The following PSMA3 variants were observed in gnomAD, a reference collection of about 807,000 sequenced individuals.
PSMA3 encodes the protein proteasome 20S subunit alpha 3, also known as proteasome subunit alpha type-3.
PSMA3 carries 8 observed loss-of-function variants against 40.0 expected under a neutral mutation model. That is an observed-to-expected ratio of 0.20 (90% confidence interval 0.12 to 0.36). PSMA3 has a LOEUF of 0.36. Among genes scored for constraint, PSMA3 ranks in the 10% least tolerant of loss-of-function variants. The pLI, the probability that PSMA3 is intolerant of heterozygous loss-of-function variation, is 1.00. For synonymous variants in PSMA3, 110 were observed against 100.0 expected, an observed-to-expected ratio of 1.10 and a Z score of -0.59; for missense variants, 219 against 310.6, an observed-to-expected ratio of 0.70 and a Z score of 2.22.
At chr14:58,259,520 G>A (rs1237383259) in intron 5 of PSMA3, among the ~76,000 whole-genome samples, 1 of 152,044 alleles carries the variant, frequency 6.6e-6, no homozygotes, top group Admixed American at 6.6e-5. Flanking sequence ...TCGCCATGTT[G>A]GCCAGGCTGG....
intron 7 of PSMA3, 142 bp from the exon 8 acceptor site, chr14:58,267,331 TG>T (rs1360202072): frequency 2.5e-5 from 30 of 1,213,108 alleles, no homozygotes; most frequent in Non-Finnish European, 3.0e-5. Flanking sequence ...CATTAAAATA[TG>T]AATCAGGAAA....
chr14:58,250,057 G>GA (rs1193943303), intron 2 of PSMA3, among the ~76,000 whole-genome samples: 1 of 150,280 alleles, frequency 6.7e-6, no homozygotes, highest in African/African-American at 2.4e-5. Flanking sequence ...CGTCTCTACT[G>GA]AAAATACAAA....
chr14:58,254,053 C>CCCACCCT (rs989180501), intron 3 of PSMA3, among the ~76,000 whole-genome samples: 4 of 151,720 alleles, frequency 2.6e-5, no homozygotes, highest in African/African-American at 9.7e-5. Flanking sequence ...TCTTCCTCCT[C>CCCACCCT]CCACCCTCCA....
At chr14:58,269,291 A>G (rs1219819012) in intron 8 of PSMA3, among the ~76,000 whole-genome samples, 1 of 152,116 alleles carries the variant, frequency 6.6e-6, no homozygotes, top group African/African-American at 2.4e-5. Flanking sequence ...TCTTTGCTGT[A>G]ATTTGTAAGG....
At chr14:58,254,424 C>T (rs1290436588) in intron 3 of PSMA3, among the ~76,000 whole-genome samples, 6 of 141,838 alleles carry the variant, frequency 4.2e-5, no homozygotes, top group East Asian at 2.1e-4. Flanking sequence ...TGCAGCCTTG[C>T]GCTCCTGGGC....
Position 58,256,531 on chromosome 14 carries a change from G to A in PSMA3, c.229-1214G>A, listed in dbSNP as rs149896286. On this transcript the variant is annotated intron_variant, in intron 3 of 10. Transcript: ENST00000216455. ...CCAGGTTCAAGCAATTCTCTGCCTC[G>A]GCCTCCCAAGTAACTGGGATTACAG... Among the ~76,000 whole-genome samples, 764 of 150,824 alleles carry A rather than the reference G, an allele frequency of 5.1e-3. 2 individuals are homozygous for A. The highest frequency in any genetic ancestry group is 0.01 in the Middle Eastern group (3 of 290).
chr14:58,267,772 C>A, intron 8 of PSMA3: 2 of 464,160 alleles, frequency 4.3e-6, no homozygotes, highest in Non-Finnish European at 6.0e-6. Context: ...AGGACATATA[C>A]CATTAGGGTC....
At chr14:58,259,149 A>G (rs1156552043) in intron 5 of PSMA3, among the ~76,000 whole-genome samples, 2 of 152,214 alleles carry the variant, frequency 1.3e-5, no homozygotes, top group Non-Finnish European at 2.9e-5. Flanking sequence ...CCAGGCTGAC[A>G]TTAGTCATTC....
At chr14:58,252,348 C>G in intron 3 of PSMA3, 106 bp downstream of exon 3, 1 of 1,381,716 alleles carries the variant, frequency 7.2e-7, no homozygotes, top group Middle Eastern at 2.5e-4. Context: ...GAGCAAGTTA[C>G]TGCATTTGTC....
Position 58,247,763 on chromosome 14 carries a change from C to T in PSMA3, c.35C>T (p.Ala12Val), listed in dbSNP as rs1218649086. ...TTTCTCCTTAAGTATGACCTGTCAG[C>T]CTCTACATTCTCTCCTGACGGAAGA... ...SSIGTGYDLS[A>V]STFSPDGRVF... The change falls in exon 2 of 11, where the codon GCC (alanine) becomes GTC (valine). Residue 12 changes from alanine to valine, a missense_variant. Ala to Val is a moderately conservative substitution (Grantham distance 64). Transcript: ENST00000216455. 1 of 1,604,252 alleles carries T rather than the reference C, an allele frequency of 6.2e-7. No homozygotes were observed. The highest frequency in any genetic ancestry group is 1.3e-5 in the African/African-American group (1 of 74,696).
chr14:58,270,470 A>T lies in PSMA3; in HGVS notation c.643A>T (p.Ser215Cys). ...VKDKAFELEL[S>C]WVGELTNGRH... ...GGATAAAGCTTTTGAACTAGAACTC[A>T]GCTGGGTTGGTGAATGTAAGTTATT... Residue 215 changes from serine to cysteine, a missense_variant, in exon 9 of 11, where the codon AGC becomes TGC. Ser to Cys is a moderately radical substitution (Grantham distance 112, BLOSUM62 -1). Transcript: ENST00000216455. 6.2e-7 allele frequency: 1 copy of T among 1,613,726 alleles called. No homozygotes were observed. Among genetic ancestry groups the T allele is most frequent in the South Asian group, 1.1e-5 (1 of 91,078 alleles).
chr14:58,262,822 CAA>C (rs1890322377), intron 6 of PSMA3, among the ~76,000 whole-genome samples: 1 of 151,948 alleles, frequency 6.6e-6, no homozygotes, highest in African/African-American at 2.4e-5. Context: ...CTCAGATTCC[CAA>C]AGTGCTGGGA....
At chr14:58,252,495 T>C (rs1315105069) in intron 3 of PSMA3, among the ~76,000 whole-genome samples, 2 of 152,116 alleles carry the variant, frequency 1.3e-5, no homozygotes, top group Non-Finnish European at 2.9e-5. Context: ...GCAGCACACA[T>C]TACTAATGAA....
rs771814804 is a variant in PSMA3 at position 58,263,691 on chromosome 14, T to A, written c.478-14T>A. ...GTACTAATTCAGTGATTATATATAT[T>A]TTTTTCTAAATAGGGTTATTGGGGC... On this transcript the variant is annotated splice_polypyrimidine_tract_variant and intron_variant, in intron 6 of 10. Coordinates refer to ENST00000216455, the MANE Select transcript of PSMA3 (RefSeq NM_002788.4). 8.7e-6 allele frequency: 14 copies of A among 1,604,534 alleles called. No homozygotes were observed. Among genetic ancestry groups the A allele is most frequent in the Middle Eastern group, 3.3e-4 (2 of 6,062 alleles).
At chr14:58,270,632 T>G in intron 9 of PSMA3, 147 bp downstream of exon 9, 1 of 1,421,736 alleles carries the variant, frequency 7.0e-7, no homozygotes, top group Non-Finnish European at 9.4e-7. Flanking sequence ...ATAATTGACT[T>G]AAGTTGTGAA....
rs142873747 is a variant in PSMA3, at chr14:58,261,325, G to T, written c.477+305G>T. The stretch of plus-strand genomic sequence containing the variant: ...AGCCTCCCGGGTAGCTGGGATTACA[G>T]GTGTGCACCACCTGGCTAATTTTTT... On this transcript the variant is annotated intron_variant, in intron 6 of 10. Transcript: ENST00000216455. 3.7e-3 allele frequency among the ~76,000 whole-genome samples: 565 copies of T among 151,978 alleles called. 1 individual carries two copies. The highest frequency in any genetic ancestry group is 0.012 in the African/African-American group (518 of 41,464).
chr14:58,249,380 C>A (rs958039054), intron 2 of PSMA3, among the ~76,000 whole-genome samples: 1 of 152,150 alleles, frequency 6.6e-6, no homozygotes, highest in African/African-American at 2.4e-5. Context: ...GAGGCATGGT[C>A]TCACTCACTA....
intron 7 of PSMA3, chr14:58,264,625 A>C (rs1266457902): frequency 1.3e-5 from 2 of 152,162 alleles, no homozygotes; most frequent in African/African-American, 2.4e-5. Flanking sequence ...TCAACTAATT[A>C]CTCATTCAAC....
In PSMA3 at chr14:58,270,499, G is replaced by T; in HGVS notation, c.658+14G>T. 2 of 1,613,386 alleles carry T rather than the reference G, an allele frequency of 1.2e-6. No individual in the cohort carries two copies. Among genetic ancestry groups the T allele is most frequent in the Non-Finnish European group, 1.7e-6 (2 of 1,179,630 alleles). ...GGGTTGGTGAATGTAAGTTATTTTT[G>T]TACATTTATTTGCCTTAGGAATGAT... On this transcript the variant is annotated intron_variant, in intron 9 of 10. Transcript: ENST00000216455.
Sources: gnomAD v4.1 joint callset for allele counts (sites outside exome capture counted in the v4.1 genomes callset) on GRCh38, gnomAD v4.1.1 for gene constraint, MANE v1.5 for transcripts, NCBI Gene and HGNC (gene_info 2026-07-23, HGNC 2026-07-21) for gene names.